FBXO17: variants seen among roughly 807,000 people sequenced by gnomAD.
The protein encoded by FBXO17 is F-box protein 17, also known as F-box only protein 17.
In FBXO17, 43 loss-of-function variants were observed where a neutral mutation model predicts 34.1. The observed-to-expected ratio is 1.26, with a 90% CI of 0.99 to 1.62. The LOEUF (loss-of-function observed/expected upper bound fraction) is 1.62, where lower values mean the gene tolerates loss of function less well. FBXO17 is among the 40% of genes most tolerant of loss of function. FBXO17 has a pLI of 0.00. For synonymous variants in FBXO17, 169 were observed against 166.0 expected (o/e 1.02, Z -0.14); for missense variants, 424 against 386.7 (o/e 1.10, Z -0.81).
chr19:38,948,196 G>A (rs920944906), intron 3 of FBXO17, among the ~76,000 whole-genome samples: 2 of 151,330 alleles, frequency 1.3e-5, no homozygotes, highest in South Asian at 2.1e-4. Context: ...GGCTGGTCTC[G>A]CACTCCTGAC....
chr19:38,944,898 C>T (rs1974949658), intron 5 of FBXO17, 71 bp downstream of exon 5: 12 of 1,580,202 alleles, frequency 7.6e-6, no homozygotes, highest in South Asian at 1.2e-5. Context: ...GAAGGGAAAC[C>T]GAGCAGACGA....
At chr19:38,967,733 A>C (rs1975339276) in intron 1 of FBXO17, among the ~76,000 whole-genome samples, 1 of 151,920 alleles carries the variant, frequency 6.6e-6, no homozygotes, top group African/African-American at 2.4e-5. Context: ...CATTCAGCTA[A>C]TTGTTGAATT....
Position 38,954,895 on chromosome 19 carries a change from T to TTTTTTA in FBXO17, c.-17-4560_-17-4559insTAAAAA, listed in dbSNP as rs1337953339. ...TGCGCCTGCCCTGACAATGTGTTAT[T>TTTTTTA]TTATTATTATTATTATTATTATTAT... On this transcript the variant is annotated intron_variant, in intron 1 of 5. Coordinates refer to ENST00000292852, the MANE Select transcript of FBXO17 (RefSeq NM_024907.7). Among the ~76,000 whole-genome samples, 73 of 134,230 alleles carry TTTTTTA rather than the reference T, an allele frequency of 5.4e-4. 1 individual carries two copies. Among genetic ancestry groups the TTTTTTA allele is most frequent in the Admixed American group, 1.0e-3 (13 of 12,994 alleles). The allele number at this position is 134,230 out of a possible 152,430, so 88.1% of individuals were successfully genotyped here.
intron 1 of FBXO17, among the ~76,000 whole-genome samples, chr19:38,962,175 A>G (rs1421236983): frequency 1.3e-5 from 2 of 150,314 alleles, no homozygotes; most frequent in African/African-American, 4.9e-5. Context: ...GGACAAGAAG[A>G]GCGAAACTTC....
chr19:38,944,719 CAT>C (rs1974946591), intron 5 of FBXO17: 6 of 519,902 alleles, frequency 1.2e-5, no homozygotes, highest in Middle Eastern at 5.4e-4. Flanking sequence ...ATTTCCAGCA[CAT>C]AGAGTGGTGC....
chr19:38,967,023 T>C (rs1346692670), intron 1 of FBXO17, among the ~76,000 whole-genome samples: 3 of 152,180 alleles, frequency 2.0e-5, no homozygotes, highest in Non-Finnish European at 4.4e-5. Context: ...CCAAAAACTA[T>C]GATTCATAAA....
At position 38,946,785 on chromosome 19, in the gene FBXO17, G is replaced by A; in HGVS notation, c.462-218C>T. On this transcript the variant is annotated intron_variant, in intron 3 of 5. Coordinates refer to ENST00000292852, the MANE Select transcript of FBXO17 (RefSeq NM_024907.7). ...TCCACCCTGCTGCGGGCTCCAGGCA[G>A]CTGACCTCTATGAAAGCCTGACCCT... 6.5e-6 allele frequency: 4 copies of A among 618,232 alleles called. No homozygotes were observed. The South Asian group carries it at 7.9e-5, about 12-fold the overall frequency. The allele number at this position is 618,232 out of a possible 1,614,324, so 38.3% of individuals were successfully genotyped here.
Position 38,957,386 on chromosome 19 carries a change from G to A in FBXO17, c.-17-7050C>T, listed in dbSNP as rs575046699. 5.9e-5 allele frequency among the ~76,000 whole-genome samples: 9 copies of A among 151,718 alleles called. No homozygotes were observed. The South Asian group carries it at 1.0e-3, about 18-fold the overall frequency. ...TTTTGAGACGGAGTCTCACTCTGTC[G>A]CCCAGGCTGGAGTGCAGTTGCATGA... On this transcript the variant is annotated intron_variant, in intron 1 of 5. Coordinates refer to ENST00000292852, the MANE Select transcript of FBXO17 (RefSeq NM_024907.7).
chr19:38,963,167 G>A (rs898758382), intron 1 of FBXO17, among the ~76,000 whole-genome samples: 1 of 152,102 alleles, frequency 6.6e-6, no homozygotes, highest in Non-Finnish European at 1.5e-5. Flanking sequence ...CACACAGTAT[G>A]TGTCTCCTTG....
At chr19:38,945,456 T>C (rs866299401) in intron 4 of FBXO17, 8 of 185,700 alleles carry the variant, frequency 4.3e-5, no homozygotes, top group African/African-American at 3.3e-4. Context: ...GTCTGGGTGG[T>C]CCTGGAGTGG....
intron 1 of FBXO17, among the ~76,000 whole-genome samples, chr19:38,959,978 T>C (rs753180240): frequency 6.6e-6 from 1 of 151,860 alleles, no homozygotes; most frequent in Non-Finnish European, 1.5e-5. Flanking sequence ...CTAAAAATGA[T>C]GAAAACAAGA....
intron 1 of FBXO17, among the ~76,000 whole-genome samples, chr19:38,957,129 C>T (rs531441338): frequency 2.7e-5 from 4 of 150,626 alleles, no homozygotes; most frequent in South Asian, 2.1e-4. Context: ...CACTGAGGCC[C>T]GGCGCTTGAA....
intron 4 of FBXO17, chr19:38,945,857 T>G (rs1441887173): frequency 5.4e-6 from 1 of 186,202 alleles, no homozygotes; most frequent in Non-Finnish European, 1.1e-5. Flanking sequence ...TGGGTGGTCC[T>G]GCGGTTGATT....
chr19:38,944,253 A>ATTATTATTATT (rs1974937463), intron 5 of FBXO17, among the ~76,000 whole-genome samples: 1 of 72,562 alleles, frequency 1.4e-5, no homozygotes, highest in Admixed American at 1.8e-4. Flanking sequence ...TTCTGATCTG[A>ATTATTATTATT]CTCATTATTA....
In FBXO17 at chr19:38,946,523, A is replaced by G. The variant is rs1201633316; in HGVS notation, c.506T>C (p.Val169Ala). ...GGCGCTGTCCAGCAGCTCCTGCCAC[A>G]CCCCTTCCATCACCAGGTCCACAAG... ...RQLVDLVMEG[V>A]WQELLDSAQI... Residue 169 changes from valine to alanine, a missense_variant, in exon 4 of 6, where the codon GTG becomes GCG. Transcript: ENST00000292852. 4 of 1,613,862 alleles carry G rather than the reference A, an allele frequency of 2.5e-6. 1 individual carries two copies. The South Asian group carries it at 4.4e-5, about 18-fold the overall frequency.
intron 1 of FBXO17, among the ~76,000 whole-genome samples, chr19:38,958,406 C>CAAAAAAAAAAAAA (rs61007658): frequency 5.1e-5 from 5 of 98,738 alleles, no homozygotes; most frequent in Non-Finnish European, 6.1e-5. Flanking sequence ...GAAACTGTCT[C>CAAAAAAAAAAAAA]AAAAAAAAAA....
At chr19:38,956,322 C>T (rs1387034079) in intron 1 of FBXO17, among the ~76,000 whole-genome samples, 1 of 151,526 alleles carries the variant, frequency 6.6e-6, no homozygotes, top group African/African-American at 2.4e-5. Flanking sequence ...GGACTACTTG[C>T]CTGACACAGG....
chr19:38,948,669 C>T lies in FBXO17; in HGVS notation c.359G>A (p.Arg120Lys), dbSNP rs1479971574. 6.2e-7 allele frequency: 1 copy of T among 1,614,008 alleles called. No homozygotes were observed. The highest frequency in any genetic ancestry group is 8.5e-7 in the Non-Finnish European group (1 of 1,179,938). ...CCCGCCATGCTCCACCTCCCAGCCT[C>T]TGAAGCCCTCTGTGGGAAAACAAGA... is the stretch of plus-strand genomic sequence containing the variant. ...IFNSCGEQGF[R>K]GWEVEHGGNG... Residue 120 changes from arginine to lysine, a missense_variant, in exon 3 of 6, where the codon AGA becomes AAA. Physicochemically the swap from Arg to Lys is conservative, Grantham distance 26. Coordinates refer to ENST00000292852, the MANE Select transcript of FBXO17 (RefSeq NM_024907.7).
At chr19:38,967,046 T>G (rs1262112323) in intron 1 of FBXO17, among the ~76,000 whole-genome samples, 1 of 152,210 alleles carries the variant, frequency 6.6e-6, no homozygotes, top group African/African-American at 2.4e-5. Flanking sequence ...AAAAACTGGA[T>G]AAATTAGACA....
Sources: allele counts gnomAD v4.1 joint callset (sites outside exome capture counted in the v4.1 genomes callset), GRCh38; gene constraint gnomAD v4.1.1; transcripts MANE v1.5; gene names NCBI Gene and HGNC (gene_info 2026-07-23, HGNC 2026-07-21).